The following ADAMTS20 variants were observed in gnomAD, a reference collection of about 807,000 sequenced individuals.
The protein encoded by ADAMTS20 is ADAM metallopeptidase with thrombospondin type 1 motif 20.
ADAMTS20 carries 225 observed loss-of-function variants against 260.1 expected under a neutral mutation model. That is an observed-to-expected ratio of 0.87 (90% CI 0.78 to 0.97). The LOEUF (loss-of-function observed/expected upper bound fraction) is 0.97, where lower values mean the gene tolerates loss of function less well. ADAMTS20 is among the 50% of genes least tolerant of loss of function. ADAMTS20 has a pLI of 0.00. For missense variants in ADAMTS20, 2,400 were observed against 2,337.7 expected (o/e 1.03, Z -0.55); for synonymous variants, 802 against 769.5 (o/e 1.04, Z -0.70).
chr12:43,369,967 A>T (rs183653588), intron 36 of ADAMTS20, among the ~76,000 whole-genome samples: 1 of 152,186 alleles, frequency 6.6e-6, no homozygotes, highest in Admixed American at 6.5e-5. Context: ...AGTATCAAAA[A>T]TAGAGCCATT....
At position 43,446,702 on chromosome 12, in the gene ADAMTS20, C is replaced by A. The variant is rs373961430; in HGVS notation, c.2090G>T (p.Cys697Phe). The A allele has an allele frequency of 2.7e-5, 43 of 1,612,818 alleles. No homozygotes were observed. Among genetic ancestry groups the A allele is most frequent in the Non-Finnish European group, 3.4e-5 (40 of 1,179,224 alleles). Residue 697 changes from cysteine to phenylalanine, a missense_variant, in exon 15 of 39, where the codon TGT becomes TTT. By Grantham distance (205) the Cys-to-Phe change is radical (BLOSUM62 -2). Coordinates refer to ENST00000389420, the MANE Select transcript of ADAMTS20 (RefSeq NM_025003.5). ...GGCACTGGAGTTTAACACGTGATCA[C>A]AACCAGCTGCCTTCAAGACACAATT... ...CVQGQCMAAG[C>F]DHVLNSSAKI...
intron 28 of ADAMTS20, among the ~76,000 whole-genome samples, chr12:43,420,797 C>CTTTTTTTTTTTTTTTTTTTTTT (rs1415962939): frequency 1.3e-5 from 1 of 77,436 alleles, no homozygotes; most frequent in African/African-American, 5.4e-5. Flanking sequence ...CCTCCTCCTC[C>CTTTTTTTTTTTTTTTTTTTTTT]TTCTTTTTTT....
At chr12:43,538,875 A>C (rs550961890) in intron 2 of ADAMTS20, among the ~76,000 whole-genome samples, 1 of 152,218 alleles carries the variant, frequency 6.6e-6, no homozygotes, top group Admixed American at 6.5e-5. Flanking sequence ...CATTTTTGTA[A>C]CAAACCTGGT....
In ADAMTS20 at chr12:43,502,292, T is replaced by C. The variant is rs780465985; in HGVS notation, c.727A>G (p.Lys243Glu). The C allele has an allele frequency of 6.2e-6, 10 of 1,612,002 alleles. No individual in the cohort carries two copies. Among genetic ancestry groups the C allele is most frequent in the Admixed American group, 3.4e-5 (2 of 59,432 alleles). The change falls in exon 4 of 39, where the codon AAA becomes GAA. Residue 243 changes from lysine to glutamate, a missense_variant. Coordinates refer to ENST00000389420, the MANE Select transcript of ADAMTS20 (RefSeq NM_025003.5). ...LGHTSKNVPL[K>E]DERRHSRKKR... ...TTCCTGGAATGTCTTCTTTCATCTT[T>C]CAATGGTACATTTTTTGATGTGTGT...
At chr12:43,437,607 A>G (rs1346461710) in intron 18 of ADAMTS20, among the ~76,000 whole-genome samples, 1 of 152,198 alleles carries the variant, frequency 6.6e-6, no homozygotes, top group Non-Finnish European at 1.5e-5. Context: ...CTCTATTTAT[A>G]CCAGCTAAAC....
rs1289593892 is a variant in ADAMTS20 at position 43,468,828 on chromosome 12, T to G, written c.1118-123A>C. 5 of 560,830 alleles carry G rather than the reference T, an allele frequency of 8.9e-6. No homozygotes were observed. The East Asian group carries it at 1.6e-4, about 17-fold the overall frequency. The allele number at this position is 560,830 out of a possible 1,614,324, so 34.7% of individuals were successfully genotyped here. On this transcript the variant is annotated intron_variant, in intron 7 of 38. Coordinates refer to ENST00000389420, the MANE Select transcript of ADAMTS20 (RefSeq NM_025003.5). The stretch of plus-strand genomic sequence containing the variant: ...TAGAAAAGAATGCAGAATTGGCTGT[T>G]AATATTGAATAAACGTTTTAAAAGG...
chr12:43,444,818 G>A (rs953944116), intron 15 of ADAMTS20, among the ~76,000 whole-genome samples: 9 of 152,098 alleles, frequency 5.9e-5, no homozygotes, highest in Non-Finnish European at 1.0e-4. Context: ...ATTAACTTAA[G>A]AAGACAGTTC....
chr12:43,509,915 T>C (rs1054199863), intron 3 of ADAMTS20, among the ~76,000 whole-genome samples: 4 of 152,086 alleles, frequency 2.6e-5, no homozygotes, highest in Non-Finnish European at 2.9e-5. Flanking sequence ...AATAAGAAAA[T>C]AAAATGAAAT....
chr12:43,358,768 C>T (rs918826195), intron 37 of ADAMTS20, among the ~76,000 whole-genome samples: 12 of 137,616 alleles, frequency 8.7e-5, no homozygotes, highest in East Asian at 2.2e-4. Context: ...ACCCGGGAGG[C>T]GGAGCTTGCA....
At chr12:43,365,923 T>C (rs1939974409) in intron 37 of ADAMTS20, among the ~76,000 whole-genome samples, 1 of 151,766 alleles carries the variant, frequency 6.6e-6, no homozygotes, top group South Asian at 2.1e-4. Context: ...AATTAAAATG[T>C]TACACCAGAA....
At chr12:43,465,905 G>A (rs563065472) in intron 9 of ADAMTS20, among the ~76,000 whole-genome samples, 5 of 151,890 alleles carry the variant, frequency 3.3e-5, no homozygotes, top group African/African-American at 9.7e-5. Flanking sequence ...TCATAAAGAG[G>A]GAATTAGAAA....
intron 3 of ADAMTS20, among the ~76,000 whole-genome samples, chr12:43,522,167 G>A (rs550591317): frequency 6.6e-6 from 1 of 152,038 alleles, no homozygotes. Context: ...AATCATGGCA[G>A]AAGGTGAAGT....
At chr12:43,490,727 A>G (rs2137428045) in intron 6 of ADAMTS20, among the ~76,000 whole-genome samples, 1 of 152,254 alleles carries the variant, frequency 6.6e-6, no homozygotes, top group Non-Finnish European at 1.5e-5. Flanking sequence ...CAGTATATGT[A>G]ATATAGTTTA....
intron 28 of ADAMTS20, chr12:43,423,268 G>C (rs975148607): frequency 1.3e-5 from 2 of 157,238 alleles, no homozygotes; most frequent in African/African-American, 4.8e-5. Flanking sequence ...GTAAACAAAT[G>C]AGCATGACTG....
intron 3 of ADAMTS20, among the ~76,000 whole-genome samples, chr12:43,513,445 G>GCA (rs1250240902): frequency 2.0e-5 from 3 of 151,994 alleles, no homozygotes; most frequent in Non-Finnish European, 4.4e-5. Flanking sequence ...AAAGGAACAT[G>GCA]CACACCTGCT....
intron 19 of ADAMTS20, 114 bp downstream of exon 19, chr12:43,434,131 A>G (rs1941503679): frequency 8.7e-7 from 1 of 1,148,392 alleles, no homozygotes; most frequent in African/African-American, 1.6e-5. Context: ...TTTTCATGGC[A>G]TGGCAGATGA....
At chr12:43,547,036 A>G (rs1364238086) in intron 2 of ADAMTS20, among the ~76,000 whole-genome samples, 1 of 152,198 alleles carries the variant, frequency 6.6e-6, no homozygotes, top group Non-Finnish European at 1.5e-5. Context: ...GAAAAACATA[A>G]ATACCAAAAC....
intron 3 of ADAMTS20, among the ~76,000 whole-genome samples, chr12:43,506,282 T>C (rs1265307037): frequency 1.3e-5 from 2 of 151,826 alleles, no homozygotes; most frequent in East Asian, 1.9e-4. Flanking sequence ...ATACTTAAAA[T>C]AGTAAAATTC....
chr12:43,515,417 A>G (rs1001866765), intron 3 of ADAMTS20, among the ~76,000 whole-genome samples: 1 of 152,200 alleles, frequency 6.6e-6, no homozygotes, highest in Admixed American at 6.5e-5. Flanking sequence ...GATATCTAAG[A>G]TGTAAGCTAA....
Sources: allele counts gnomAD v4.1 joint callset (sites outside exome capture counted in the v4.1 genomes callset), GRCh38; gene constraint gnomAD v4.1.1; transcripts MANE v1.5; gene names NCBI Gene and HGNC (gene_info 2026-07-23, HGNC 2026-07-21).